The following ARHGAP26 variants were observed in gnomAD, a reference collection of about 807,000 sequenced individuals.
The protein encoded by ARHGAP26 is rho GTPase-activating protein 26.
In ARHGAP26, 38 loss-of-function variants were observed where a neutral mutation model predicts 104.8. The observed-to-expected ratio is 0.36, with a 90% CI of 0.28 to 0.48. The LOEUF (loss-of-function observed/expected upper bound fraction) is 0.48. Ranked by LOEUF, ARHGAP26 falls within the 20% of genes least tolerant of loss-of-function variation. ARHGAP26 has a pLI of 0.99. For synonymous variants in ARHGAP26, 341 were observed against 340.0 expected, an observed-to-expected ratio of 1.00 and a Z score of -0.03; for missense variants, 704 against 947.9, an observed-to-expected ratio of 0.74 and a Z score of 3.38.
intron 10 of ARHGAP26, among the ~76,000 whole-genome samples, chr5:142,930,828 G>A (rs948306514): frequency 1.2e-4 from 18 of 152,152 alleles, no homozygotes; most frequent in African/African-American, 3.6e-4. Flanking sequence ...TTTAAATTAT[G>A]TTAAACACAA....
At chr5:142,952,515 G>A (rs1312738453) in intron 11 of ARHGAP26, among the ~76,000 whole-genome samples, 2 of 152,176 alleles carry the variant, frequency 1.3e-5, no homozygotes, top group Non-Finnish European at 2.9e-5. Flanking sequence ...TGATACCTTG[G>A]TGGAGGTGAT....
chr5:142,998,948 G>T (rs1316077934), intron 11 of ARHGAP26, among the ~76,000 whole-genome samples: 1 of 152,034 alleles, frequency 6.6e-6, no homozygotes, highest in African/African-American at 2.4e-5. Context: ...TCCCAATTTT[G>T]CTGTTTGCTG....
intron 17 of ARHGAP26, chr5:143,058,047 G>C (rs1334387992): frequency 1.7e-6 from 1 of 579,526 alleles, no homozygotes; most frequent in South Asian, 1.6e-5. Context: ...CATGATACCA[G>C]GTCACCACAC....
chr5:142,955,300 CA>C (rs963828688), intron 11 of ARHGAP26, among the ~76,000 whole-genome samples: 17 of 148,996 alleles, frequency 1.1e-4, no homozygotes, highest in African/African-American at 2.7e-4. Context: ...GACCCTGTCT[CA>C]AAAAAAAAAT....
At chr5:143,168,065 G>A (rs1263138735) in intron 20 of ARHGAP26, among the ~76,000 whole-genome samples, 1 of 152,160 alleles carries the variant, frequency 6.6e-6, no homozygotes, top group African/African-American at 2.4e-5. Flanking sequence ...GATCAAGGAA[G>A]GCTTTGTGAT....
intron 1 of ARHGAP26, among the ~76,000 whole-genome samples, chr5:142,804,953 T>A (rs1762719390): frequency 6.6e-6 from 1 of 152,240 alleles, no homozygotes. Flanking sequence ...GTATGATTGT[T>A]TGTGTCTTGC....
chr5:143,017,949 C>A (rs1011174057), intron 12 of ARHGAP26, among the ~76,000 whole-genome samples: 37 of 152,288 alleles, frequency 2.4e-4, no homozygotes, highest in African/African-American at 8.9e-4. Context: ...CCAGAGTGGT[C>A]GATCCGCAGT....
intron 1 of ARHGAP26, chr5:142,859,709 GCT>G (rs1468499585): frequency 2.6e-5 from 4 of 152,202 alleles, no homozygotes; most frequent in Non-Finnish European, 5.9e-5. Context: ...TTCCCAGTGT[GCT>G]CCACCTTCAG....
At chr5:143,148,026 C>A (rs924118778) in intron 20 of ARHGAP26, among the ~76,000 whole-genome samples, 4 of 152,206 alleles carry the variant, frequency 2.6e-5, no homozygotes, top group Admixed American at 6.5e-5. Flanking sequence ...AAAGTTCTCC[C>A]TCATGGTTTC....
intron 17 of ARHGAP26, among the ~76,000 whole-genome samples, chr5:143,073,868 C>T (rs775747077): frequency 6.6e-6 from 1 of 152,162 alleles, no homozygotes; most frequent in Non-Finnish European, 1.5e-5. Flanking sequence ...TCTGAGCTCC[C>T]GTTAACTTCG....
At chr5:142,953,615 G>T (rs1332349353) in intron 11 of ARHGAP26, among the ~76,000 whole-genome samples, 2 of 152,230 alleles carry the variant, frequency 1.3e-5, no homozygotes, top group South Asian at 2.1e-4. Context: ...TGCCTGTTAC[G>T]CTGGTTCACT....
intron 20 of ARHGAP26, among the ~76,000 whole-genome samples, chr5:143,184,235 C>T (rs1259204775): frequency 3.9e-5 from 6 of 152,112 alleles, no homozygotes; most frequent in Non-Finnish European, 8.8e-5. Flanking sequence ...CCCTTCCTGC[C>T]CATTAGGGGG....
At chr5:142,856,794 C>T in intron 1 of ARHGAP26, among the ~76,000 whole-genome samples, 1 of 152,120 alleles carries the variant, frequency 6.6e-6, no homozygotes, top group South Asian at 2.1e-4. Flanking sequence ...AGGTTATATG[C>T]AAATACTATG....
At chr5:142,771,990 A>T (rs917082562) in intron 1 of ARHGAP26, among the ~76,000 whole-genome samples, 1 of 152,242 alleles carries the variant, frequency 6.6e-6, no homozygotes, top group African/African-American at 2.4e-5. Flanking sequence ...ATGAAGGCAG[A>T]TAGTGGAATT....
chr5:143,117,156 A>G (rs543865571), intron 17 of ARHGAP26, among the ~76,000 whole-genome samples: 1 of 151,216 alleles, frequency 6.6e-6, no homozygotes, highest in Non-Finnish European at 1.5e-5. Context: ...TTTTAAGTCA[A>G]GACTCAACAT....
chr5:142,985,761 GT>G (rs1774620146), intron 11 of ARHGAP26, among the ~76,000 whole-genome samples: 1 of 150,226 alleles, frequency 6.7e-6, no homozygotes, highest in African/African-American at 2.5e-5. Flanking sequence ...GCAGTGTTTG[GT>G]TTTCTGTCCT....
At chr5:142,899,158 G>T (rs1478384657) in intron 6 of ARHGAP26, among the ~76,000 whole-genome samples, 1 of 152,176 alleles carries the variant, frequency 6.6e-6, no homozygotes, top group Non-Finnish European at 1.5e-5. Flanking sequence ...CTTTGTAAAA[G>T]TACTAGGGCC....
At chr5:142,987,794 A>G (rs1319586645) in intron 11 of ARHGAP26, among the ~76,000 whole-genome samples, 1 of 152,206 alleles carries the variant, frequency 6.6e-6, no homozygotes, top group African/African-American at 2.4e-5. Flanking sequence ...ATGCTGGATT[A>G]CATTTATTGA....
At chr5:143,125,926 A>G (rs979677272) in intron 18 of ARHGAP26, among the ~76,000 whole-genome samples, 1 of 152,202 alleles carries the variant, frequency 6.6e-6, no homozygotes, top group East Asian at 1.9e-4. Flanking sequence ...CAGGGGTTGA[A>G]CTTAGTACTA....
Sources: gnomAD v4.1 joint callset for allele counts (sites outside exome capture counted in the v4.1 genomes callset) on GRCh38, gnomAD v4.1.1 for gene constraint, MANE v1.5 for transcripts, NCBI Gene and HGNC (gene_info 2026-07-23, HGNC 2026-07-21) for gene names.